GAS2: variants seen among roughly 807,000 people sequenced by gnomAD.
GAS2 encodes growth arrest-specific protein 2.
Under a neutral mutation model 37.5 loss-of-function variants are expected in GAS2, and 20 were observed. The ratio of observed to expected loss-of-function variants is 0.53; its 90% CI spans 0.37 to 0.77. The LOEUF (loss-of-function observed/expected upper bound fraction) is 0.77. Ranked by LOEUF, GAS2 falls within the 30% of genes least tolerant of loss-of-function variation. The pLI, the probability that GAS2 is intolerant of heterozygous loss-of-function variation, is 0.00. For synonymous variants in GAS2, 144 were observed against 132.2 expected (o/e 1.09, Z -0.61); for missense variants, 336 against 373.4 (o/e 0.90, Z 0.82).
chr11:22,749,756 A>T (rs1042055951), intron 6 of GAS2, among the ~76,000 whole-genome samples: 1 of 151,952 alleles, frequency 6.6e-6, no homozygotes, highest in Admixed American at 6.6e-5. Flanking sequence ...TGAGGGGAGG[A>T]GAGGAGCTTA....
chr11:22,723,568 T>C (rs2134150706), intron 3 of GAS2, among the ~76,000 whole-genome samples: 1 of 152,054 alleles, frequency 6.6e-6, no homozygotes, highest in Non-Finnish European at 1.5e-5. Context: ...ATGGATATTT[T>C]GTTCCTTTTT....
chr11:22,646,074 C>T (rs553008753), intron 1 of GAS2, among the ~76,000 whole-genome samples: 2 of 152,118 alleles, frequency 1.3e-5, no homozygotes, highest in Admixed American at 1.3e-4. Flanking sequence ...AACTCCTGAC[C>T]TCAGGTAATC....
chr11:22,761,325 A>G (rs1217876085), intron 7 of GAS2, among the ~76,000 whole-genome samples: 1 of 152,178 alleles, frequency 6.6e-6, no homozygotes, highest in African/African-American at 2.4e-5. Flanking sequence ...TATGAAATGG[A>G]TGCAGACAGC....
intron 7 of GAS2, among the ~76,000 whole-genome samples, chr11:22,807,450 C>T (rs1029225565): frequency 2.0e-5 from 3 of 152,170 alleles, no homozygotes; most frequent in African/African-American, 7.2e-5. Context: ...TTTTGTGGAA[C>T]ATGTTTTTAA....
chr11:22,640,550 T>G (rs1428039274), intron 1 of GAS2, among the ~76,000 whole-genome samples: 1 of 152,144 alleles, frequency 6.6e-6, no homozygotes, highest in Non-Finnish European at 1.5e-5. Context: ...CTCAAGCATA[T>G]AAAGAGAACT....
At chr11:22,718,868 T>C (rs548890847) in intron 3 of GAS2, among the ~76,000 whole-genome samples, 1 of 152,180 alleles carries the variant, frequency 6.6e-6, no homozygotes, top group East Asian at 1.9e-4. Flanking sequence ...TCGTAGTTGA[T>C]GATGATTCCC....
chr11:22,706,071 G>A (rs1851102880), intron 3 of GAS2, among the ~76,000 whole-genome samples: 1 of 152,214 alleles, frequency 6.6e-6, no homozygotes, highest in African/African-American at 2.4e-5. Context: ...ATCAAGAGAT[G>A]AGACCAAAGC....
intron 1 of GAS2, among the ~76,000 whole-genome samples, chr11:22,647,064 CTT>C (rs1848704685): frequency 6.9e-6 from 1 of 145,330 alleles, no homozygotes; most frequent in South Asian, 2.3e-4. Context: ...CAATGCTATC[CTT>C]CCCCCCTCCC....
intron 1 of GAS2, among the ~76,000 whole-genome samples, chr11:22,641,581 A>G (rs1438828265): frequency 1.3e-5 from 2 of 151,050 alleles, no homozygotes; most frequent in Admixed American, 6.7e-5. Context: ...TTGCAACTGT[A>G]GGGGCCTCCT....
At chr11:22,656,745 A>G (rs1249749939) in intron 1 of GAS2, among the ~76,000 whole-genome samples, 1 of 152,158 alleles carries the variant, frequency 6.6e-6, no homozygotes, top group Non-Finnish European at 1.5e-5. Context: ...CATCACACAG[A>G]GATATTGCTT....
Position 22,726,322 on chromosome 11 carries a change from A to G in GAS2, c.298A>G (p.Thr100Ala), listed in dbSNP as rs781349255. 2.5e-6 allele frequency: 4 copies of G among 1,608,904 alleles called. No homozygotes were observed. The African/African-American group carries it at 4.0e-5, about 16-fold the overall frequency. Residue 100 changes from threonine to alanine, a missense_variant, in exon 4 of 8, where the codon ACC becomes GCC. Thr to Ala is a moderately conservative substitution (Grantham distance 58, BLOSUM62 0). Coordinates refer to ENST00000454584, the MANE Select transcript of GAS2 (RefSeq NM_001143830.3). The part of the protein sequence containing the change: ...NLPLKKIPCK[T>A]SAPSGSFFAR... ...ACCGTTGAAGAAGATCCCATGCAAA[A>G]CCAGTGCACCCTCGGGCTCCTTTTT...
chr11:22,667,786 G>T (rs1849042741), intron 1 of GAS2, among the ~76,000 whole-genome samples: 1 of 152,218 alleles, frequency 6.6e-6, no homozygotes, highest in Non-Finnish European at 1.5e-5. Context: ...GAGGTTGGGG[G>T]AGGGTTGTTA....
intron 1 of GAS2, among the ~76,000 whole-genome samples, chr11:22,645,829 CT>C (rs1231252207): frequency 7.4e-5 from 10 of 135,098 alleles, no homozygotes; most frequent in East Asian, 4.4e-4. Flanking sequence ...GTTTTCTTTT[CT>C]TTTTCTTTTC....
intron 1 of GAS2, among the ~76,000 whole-genome samples, chr11:22,648,498 T>C (rs1320255013): frequency 2.0e-5 from 3 of 152,204 alleles, no homozygotes; most frequent in Non-Finnish European, 2.9e-5. Flanking sequence ...GCATTGAATC[T>C]GTAAATTACC....
At chr11:22,738,924 A>G (rs1852899379) in intron 5 of GAS2, among the ~76,000 whole-genome samples, 1 of 152,150 alleles carries the variant, frequency 6.6e-6, no homozygotes, top group Non-Finnish European at 1.5e-5. Context: ...TTTGAGCCTT[A>G]CCTCAACATG....
chr11:22,715,401 C>T (rs1184741603), intron 3 of GAS2, among the ~76,000 whole-genome samples: 2 of 120,822 alleles, frequency 1.7e-5, no homozygotes, highest in East Asian at 5.6e-4. Context: ...GCGGAGGTTG[C>T]AGTGAGCTGA....
chr11:22,740,238 T>G (rs897298613), intron 5 of GAS2, among the ~76,000 whole-genome samples: 3 of 152,292 alleles, frequency 2.0e-5, no homozygotes, highest in East Asian at 3.9e-4. Context: ...CACCCAAATA[T>G]TTTAAAATTG....
intron 1 of GAS2, among the ~76,000 whole-genome samples, chr11:22,628,110 C>T (rs1298114147): frequency 6.6e-6 from 1 of 152,138 alleles, no homozygotes; most frequent in African/African-American, 2.4e-5. Flanking sequence ...AGTCTATTTT[C>T]ATTAAATAAA....
chr11:22,645,644 C>T (rs1848681251), intron 1 of GAS2, among the ~76,000 whole-genome samples: 1 of 151,640 alleles, frequency 6.6e-6, no homozygotes, highest in Admixed American at 6.6e-5. Flanking sequence ...TAAAATATTA[C>T]AAAATTAGGG....
Sources: gnomAD v4.1 joint callset for allele counts (sites outside exome capture counted in the v4.1 genomes callset) on GRCh38, gnomAD v4.1.1 for gene constraint, MANE v1.5 for transcripts, NCBI Gene and HGNC (gene_info 2026-07-23, HGNC 2026-07-21) for gene names.